TBC1D5: variants seen among roughly 807,000 people sequenced by gnomAD.
The protein encoded by TBC1D5 is TBC1 domain family member 5, also known as TBC1 domain family, member 5.
In TBC1D5, 75 loss-of-function variants were observed where a neutral mutation model predicts 100.3. The ratio of observed to expected loss-of-function variants is 0.75; its 90% CI spans 0.62 to 0.91. The LOEUF (loss-of-function observed/expected upper bound fraction) is 0.91, where lower values mean the gene tolerates loss of function less well. TBC1D5 is among the 40% of genes least tolerant of loss of function. TBC1D5 has a pLI of 0.00. For missense variants in TBC1D5, 910 were observed against 942.4 expected, an observed-to-expected ratio of 0.97 and a Z score of 0.45; for synonymous variants, 323 against 325.6, an observed-to-expected ratio of 0.99 and a Z score of 0.09.
At chr3:17,465,958 A>G (rs894690320) in intron 3 of TBC1D5, among the ~76,000 whole-genome samples, 1 of 152,194 alleles carries the variant, frequency 6.6e-6, no homozygotes, top group Non-Finnish European at 1.5e-5. Context: ...GCCCAATAGG[A>G]CATGATATTA....
At chr3:17,718,081 A>G (rs1275299341) in intron 1 of TBC1D5, among the ~76,000 whole-genome samples, 1 of 152,118 alleles carries the variant, frequency 6.6e-6, no homozygotes, top group African/African-American at 2.4e-5. Context: ...GTGCCCTCCA[A>G]CACATTTGGA....
chr3:17,186,959 T>G (rs2069200007), intron 18 of TBC1D5, among the ~76,000 whole-genome samples: 1 of 152,122 alleles, frequency 6.6e-6, no homozygotes, highest in African/African-American at 2.4e-5. Flanking sequence ...GGTGGGGTTG[T>G]CTTCCTAACT....
chr3:17,716,773 T>A (rs538602420), intron 1 of TBC1D5, among the ~76,000 whole-genome samples: 20 of 152,326 alleles, frequency 1.3e-4, no homozygotes, highest in African/African-American at 4.8e-4. Flanking sequence ...TGCCATAGAA[T>A]ATTTCAGGAA....
intron 3 of TBC1D5, among the ~76,000 whole-genome samples, chr3:17,455,530 A>ATGTGTGTG (rs144088938): frequency 9.8e-5 from 14 of 143,340 alleles, no homozygotes; most frequent in Non-Finnish European, 2.0e-4. Flanking sequence ...ATATATATAT[A>ATGTGTGTG]TGTGTGTGTG....
At chr3:17,733,592 T>C (rs2076736728) in intron 1 of TBC1D5, among the ~76,000 whole-genome samples, 1 of 152,198 alleles carries the variant, frequency 6.6e-6, no homozygotes, top group African/African-American at 2.4e-5. Flanking sequence ...ATTTCTGAGC[T>C]AGAAGGGTCC....
chr3:17,162,596 A>G (rs150899963), intron 21 of TBC1D5, among the ~76,000 whole-genome samples: 3 of 152,350 alleles, frequency 2.0e-5, no homozygotes, highest in Non-Finnish European at 4.4e-5. Flanking sequence ...TGTTGTTAAC[A>G]TTCTATTAAC....
intron 8 of TBC1D5, among the ~76,000 whole-genome samples, chr3:17,394,992 A>G (rs1290915723): frequency 6.6e-6 from 1 of 152,076 alleles, no homozygotes; most frequent in Non-Finnish European, 1.5e-5. Flanking sequence ...AATGAGTAGG[A>G]CTCAGCCCAA....
chr3:17,326,704 G>T (rs2086194500), intron 13 of TBC1D5, among the ~76,000 whole-genome samples: 1 of 152,168 alleles, frequency 6.6e-6, no homozygotes, highest in Non-Finnish European at 1.5e-5. Context: ...GAACTCCTGG[G>T]CTCAAGTAAC....
intron 18 of TBC1D5, among the ~76,000 whole-genome samples, chr3:17,210,951 G>A (rs2072906461): frequency 6.6e-6 from 1 of 151,956 alleles, no homozygotes. Context: ...TTAGAAAAAT[G>A]TATACATTCG....
At chr3:17,550,495 T>C (rs2096462842) in intron 2 of TBC1D5, among the ~76,000 whole-genome samples, 1 of 151,748 alleles carries the variant, frequency 6.6e-6, no homozygotes, top group Admixed American at 6.6e-5. Context: ...TCAATAAATA[T>C]TTGAAATTTA....
chr3:17,457,571 C>T lies in TBC1D5; in HGVS notation c.98-29052G>A, dbSNP rs1209869343. Among the ~76,000 whole-genome samples the T allele has an allele frequency of 7.2e-5, 11 of 152,098 alleles. No individual in the cohort carries two copies. In the South Asian group the frequency reaches 2.3e-3, roughly 32 times the overall value. On this transcript the variant is annotated intron_variant, in intron 3 of 21. Coordinates refer to ENST00000253692, the Ensembl canonical transcript of TBC1D5. ...ATTAACCATCTGATGTTGAATGTTG[C>T]CCAGCTTTTCCACTAAAGCCTTCAA...
chr3:17,614,325 C>T (rs566981008), intron 2 of TBC1D5, among the ~76,000 whole-genome samples: 4 of 152,316 alleles, frequency 2.6e-5, no homozygotes, highest in African/African-American at 9.6e-5. Flanking sequence ...TAGCTTGATG[C>T]CTCCAGCTTT....
intron 1 of TBC1D5, among the ~76,000 whole-genome samples, chr3:17,733,970 T>C (rs1349671504): frequency 6.6e-6 from 1 of 151,832 alleles, no homozygotes; most frequent in Admixed American, 6.6e-5. Context: ...AGAAAGAAAA[T>C]GGGTTCCAGC....
At chr3:17,416,957 A>G (rs1461541608) in intron 4 of TBC1D5, among the ~76,000 whole-genome samples, 1 of 152,232 alleles carries the variant, frequency 6.6e-6, no homozygotes, top group Non-Finnish European at 1.5e-5. Context: ...TAAAATGAAG[A>G]TAAATGGGCC....
chr3:17,427,458 GAC>G (rs2094359233), intron 4 of TBC1D5, among the ~76,000 whole-genome samples: 1 of 151,710 alleles, frequency 6.6e-6, no homozygotes, highest in Non-Finnish European at 1.5e-5. Flanking sequence ...AGAAATAAAT[GAC>G]ACAGTTCCAA....
At chr3:17,326,628 C>T (rs1194202938) in intron 13 of TBC1D5, among the ~76,000 whole-genome samples, 1 of 152,058 alleles carries the variant, frequency 6.6e-6, no homozygotes, top group Non-Finnish European at 1.5e-5. Flanking sequence ...ATTCACCACG[C>T]CCTGCTAATT....
At chr3:17,733,525 A>T (rs1002584305) in intron 1 of TBC1D5, among the ~76,000 whole-genome samples, 5 of 152,232 alleles carry the variant, frequency 3.3e-5, no homozygotes, top group African/African-American at 9.6e-5. Context: ...ATAATTATAA[A>T]GGAAGAGAGC....
intron 15 of TBC1D5, among the ~76,000 whole-genome samples, chr3:17,285,311 A>T (rs1480314082): frequency 2.4e-5 from 3 of 124,034 alleles, no homozygotes; most frequent in African/African-American, 9.2e-5. Context: ...CCCAGGCTGG[A>T]GTGCAGTGGC....
At chr3:17,197,943 G>C (rs2070934112) in intron 18 of TBC1D5, among the ~76,000 whole-genome samples, 1 of 152,078 alleles carries the variant, frequency 6.6e-6, no homozygotes, top group Non-Finnish European at 1.5e-5. Flanking sequence ...AGGCAGAAGG[G>C]GTTGGATTGC....
Sources: allele counts gnomAD v4.1 joint callset (sites outside exome capture counted in the v4.1 genomes callset), GRCh38; gene constraint gnomAD v4.1.1; transcripts MANE v1.5; gene names NCBI Gene and HGNC (gene_info 2026-07-23, HGNC 2026-07-21).